Variants in ANKFN1 observed in about 807,000 individuals in gnomAD.
ANKFN1 encodes the protein ankyrin repeat and fibronectin type-III domain-containing protein 1.
A neutral mutation model predicts 108.7 loss-of-function variants in ANKFN1; 74 were observed. The ratio of observed to expected loss-of-function variants is 0.68; its 90% CI spans 0.56 to 0.83. The LOEUF (loss-of-function observed/expected upper bound fraction) is 0.83. Among genes scored for constraint, ANKFN1 ranks in the 40% least tolerant of loss-of-function variants. ANKFN1 has a pLI of 0.00. For synonymous variants in ANKFN1, 547 were observed against 516.2 expected (o/e 1.06, Z -0.81); for missense variants, 1,505 against 1,382.3 (o/e 1.09, Z -1.41).
intron 1 of ANKFN1, among the ~76,000 whole-genome samples, chr17:56,188,581 G>GTATATATATATATATATATATATATA (rs61556880): frequency 4.0e-5 from 2 of 49,668 alleles, no homozygotes; most frequent in African/African-American, 1.0e-4. Context: ...GTGTGTGTGT[G>GTATATATATATATATATATATATATA]TATATATATA....
chr17:56,353,361 A>G (rs1185713809), intron 5 of ANKFN1, among the ~76,000 whole-genome samples: 1 of 151,622 alleles, frequency 6.6e-6, no homozygotes, highest in South Asian at 2.1e-4. Context: ...CTCAACCTCC[A>G]GAGTAGCTGG....
At chr17:56,500,810 G>A (rs1436589903) in intron 20 of ANKFN1, among the ~76,000 whole-genome samples, 1 of 152,106 alleles carries the variant, frequency 6.6e-6, no homozygotes, top group African/African-American at 2.4e-5. Flanking sequence ...TATGTGCCAG[G>A]CTCTCTTCGA....
At chr17:56,383,044 C>A (rs938191455) in intron 8 of ANKFN1, among the ~76,000 whole-genome samples, 1 of 152,142 alleles carries the variant, frequency 6.6e-6, no homozygotes, top group Non-Finnish European at 1.5e-5. Context: ...CAGCACCACA[C>A]CACACCTATT....
At chr17:56,214,677 A>G (rs16956891) in intron 2 of ANKFN1, among the ~76,000 whole-genome samples, 48,150 of 152,024 alleles carry the variant, frequency 0.32, 9,042 homozygotes, top group East Asian at 0.51. Context: ...TCTGCAAAAT[A>G]TCTTTCTCTA....
At chr17:56,490,325 C>T (rs981251614) in intron 18 of ANKFN1, among the ~76,000 whole-genome samples, 4 of 152,060 alleles carry the variant, frequency 2.6e-5, no homozygotes, top group East Asian at 1.9e-4. Flanking sequence ...AAACATTTAC[C>T]GTGAATCTTC....
At chr17:56,183,428 G>A (rs904228595) in intron 1 of ANKFN1, among the ~76,000 whole-genome samples, 2 of 152,178 alleles carry the variant, frequency 1.3e-5, no homozygotes, top group African/African-American at 2.4e-5. Context: ...TGTTGGAGGT[G>A]GAGCTTAGTG....
intron 18 of ANKFN1, among the ~76,000 whole-genome samples, chr17:56,486,141 G>A (rs1465188364): frequency 6.6e-6 from 1 of 152,062 alleles, no homozygotes; most frequent in Non-Finnish European, 1.5e-5. Flanking sequence ...TGAAAAATAG[G>A]CCATAGATCA....
At chr17:56,367,270 T>C (rs1409099899) in intron 6 of ANKFN1, among the ~76,000 whole-genome samples, 3 of 152,216 alleles carry the variant, frequency 2.0e-5, no homozygotes, top group Admixed American at 2.0e-4. Context: ...TGAGCAATTA[T>C]CAGCCAGGCC....
upstream of ANKFN1, among the ~76,000 whole-genome samples, chr17:56,152,264 G>A (rs1354236608): frequency 1.6e-5 from 1 of 61,570 alleles, no homozygotes; most frequent in Non-Finnish European, 4.6e-5. Context: ...ATATATATAT[G>A]TGTGTGTGTG....
chr17:56,182,340 C>A (rs1911765503), intron 1 of ANKFN1, among the ~76,000 whole-genome samples: 1 of 152,098 alleles, frequency 6.6e-6, no homozygotes, highest in Admixed American at 6.6e-5. Context: ...AGGGAAAATT[C>A]TTGAAGGAAA....
At chr17:56,374,485 C>T in intron 7 of ANKFN1, 116 bp from the exon 8 acceptor site, 1 of 761,776 alleles carries the variant, frequency 1.3e-6, no homozygotes, top group South Asian at 1.8e-5. Flanking sequence ...AGCTATTAGG[C>T]TCCACAAACA....
At chr17:56,286,865 G>A (rs1168831489) in intron 3 of ANKFN1, among the ~76,000 whole-genome samples, 3 of 152,032 alleles carry the variant, frequency 2.0e-5, no homozygotes, top group Non-Finnish European at 4.4e-5. Flanking sequence ...ATACATATAT[G>A]TGTATATATG....
chr17:56,431,101 T>C (rs1359166941), intron 8 of ANKFN1, among the ~76,000 whole-genome samples: 1 of 152,134 alleles, frequency 6.6e-6, no homozygotes, highest in African/African-American at 2.4e-5. Context: ...CAAGTAAGCA[T>C]GATAGAACCA....
intron 8 of ANKFN1, among the ~76,000 whole-genome samples, chr17:56,437,110 T>C (rs1174251829): frequency 6.6e-6 from 1 of 152,194 alleles, no homozygotes; most frequent in Non-Finnish European, 1.5e-5. Flanking sequence ...AGATATGTTA[T>C]AAAATCTAAT....
chr17:56,487,471 T>C (rs2050891601), intron 18 of ANKFN1, among the ~76,000 whole-genome samples: 1 of 152,030 alleles, frequency 6.6e-6, no homozygotes, highest in Non-Finnish European at 1.5e-5. Flanking sequence ...CAAGGAAAGT[T>C]GGCCTTTGTT....
chr17:56,501,801 T>TA (rs898412379), intron 20 of ANKFN1, among the ~76,000 whole-genome samples: 1 of 151,780 alleles, frequency 6.6e-6, no homozygotes. Flanking sequence ...GAAAGAAGAT[T>TA]AAAAAAACAA....
intron 8 of ANKFN1, among the ~76,000 whole-genome samples, chr17:56,421,534 A>C (rs1389405241): frequency 6.6e-6 from 1 of 152,216 alleles, no homozygotes; most frequent in Non-Finnish European, 1.5e-5. Flanking sequence ...TCCCTTTAAG[A>C]AACTTGGCCA....
intron 8 of ANKFN1, among the ~76,000 whole-genome samples, chr17:56,425,852 TCC>T (rs953509020): frequency 1.4e-4 from 21 of 152,176 alleles, no homozygotes; most frequent in African/African-American, 5.1e-4. Flanking sequence ...CCGTCTCGCT[TCC>T]CACCATTGTA....
At chr17:56,467,831 A>AAAGC (rs2050174045) in intron 15 of ANKFN1, among the ~76,000 whole-genome samples, 1 of 42,556 alleles carries the variant, frequency 2.3e-5, no homozygotes, top group African/African-American at 1.2e-4. Flanking sequence ...AGAAAGAAAG[A>AAAGC]AAGAAAGAAA....
Sources: gnomAD v4.1 joint callset for allele counts (sites outside exome capture counted in the v4.1 genomes callset) on GRCh38, gnomAD v4.1.1 for gene constraint, MANE v1.5 for transcripts, NCBI Gene and HGNC (gene_info 2026-07-23, HGNC 2026-07-21) for gene names.